Variants in CEP83 observed in about 807,000 individuals in gnomAD.
CEP83 encodes centrosomal protein 83, also known as centrosomal protein of 83 kDa.
Under a neutral mutation model 101.9 loss-of-function variants are expected in CEP83, and 70 were observed. The observed-to-expected ratio is 0.69, with a 90% CI of 0.57 to 0.84. The LOEUF (loss-of-function observed/expected upper bound fraction) is 0.84. Ranked by LOEUF, CEP83 falls within the 40% of genes least tolerant of loss-of-function variation. The pLI is 0.00. For synonymous variants in CEP83, 264 were observed against 267.9 expected, an observed-to-expected ratio of 0.99 and a Z score of 0.14; for missense variants, 715 against 787.2, an observed-to-expected ratio of 0.91 and a Z score of 1.10.
At chr12:94,439,115 T>A (rs1342864285) in intron 1 of CEP83, among the ~76,000 whole-genome samples, 1 of 151,870 alleles carries the variant, frequency 6.6e-6, no homozygotes, top group African/African-American at 2.4e-5. Context: ...ACTCACAGAA[T>A]TAGAGAAACA....
At chr12:94,376,055 T>G (rs1448514698) in intron 7 of CEP83, 38 bp from the exon 8 acceptor site, 1 of 1,290,982 alleles carries the variant, frequency 7.7e-7, no homozygotes. Flanking sequence ...TTCATCATTT[T>G]TCAAGTATTT....
In CEP83 at chr12:94,412,332, C is replaced by CT; in HGVS notation, c.158dup (p.Ala54GlyfsTer2). 6.2e-7 allele frequency: 1 copy of CT among 1,607,532 alleles called. No homozygotes were observed. The highest frequency in any genetic ancestry group is 8.5e-7 in the Non-Finnish European group (1 of 1,177,720). The stretch of plus-strand genomic sequence containing the variant: ...AAGTAATTTACCTTGTGTGTTCAGC[C>CT]TTCAGTGTCTGATAATTAGCTTTAT... On this transcript the variant is annotated frameshift_variant, in exon 3 of 17. Coordinates refer to ENST00000397809, the MANE Select transcript of CEP83 (RefSeq NM_016122.3). LOFTEE classifies it high-confidence loss of function.
chr12:94,363,054 G>T (rs1406331788), intron 11 of CEP83, among the ~76,000 whole-genome samples: 1 of 152,202 alleles, frequency 6.6e-6, no homozygotes, highest in Non-Finnish European at 1.5e-5. Context: ...GAAGACAGAG[G>T]TTGGTTAACA....
chr12:94,421,734 G>A (rs11107533), intron 2 of CEP83, among the ~76,000 whole-genome samples: 36,446 of 151,970 alleles, frequency 0.24, 4,848 homozygotes, highest in South Asian at 0.33. Context: ...AGATGATATC[G>A]CCTATTATAC....
the CEP83 span, among the ~76,000 whole-genome samples, chr12:94,294,080 A>G: frequency 4.3e-3 from 654 of 152,310 alleles, 1 homozygote; most frequent in Non-Finnish European, 7.6e-3. Context: ...CATAGCAAGT[A>G]ACAATTTTTT....
intron 2 of CEP83, among the ~76,000 whole-genome samples, chr12:94,432,923 T>C (rs533944314): frequency 3.3e-5 from 5 of 152,344 alleles, no homozygotes; most frequent in African/African-American, 1.2e-4. Context: ...ATAACATATT[T>C]ACCAGTAGTA....
chr12:94,395,566 G>A (rs1484845643), intron 6 of CEP83, among the ~76,000 whole-genome samples: 1 of 152,142 alleles, frequency 6.6e-6, no homozygotes, highest in Admixed American at 6.5e-5. Context: ...CGGGACGCCT[G>A]TAATCCCAAC....
intron 14 of CEP83, among the ~76,000 whole-genome samples, chr12:94,331,357 CTTTTTTTTTT>C (rs1161292599): frequency 8.4e-4 from 56 of 66,800 alleles, no homozygotes; most frequent in African/African-American, 3.0e-3. Flanking sequence ...ACCTTTTTTC[CTTTTTTTTTT>C]TTTTTTTTTT....
At chr12:94,407,304 T>C (rs969038572) in intron 4 of CEP83, among the ~76,000 whole-genome samples, 1 of 151,848 alleles carries the variant, frequency 6.6e-6, no homozygotes, top group South Asian at 2.1e-4. Context: ...GCACTACAGA[T>C]ATAAAAAAAA....
the CEP83 span, among the ~76,000 whole-genome samples, chr12:94,283,074 A>T: frequency 6.6e-6 from 1 of 152,164 alleles, no homozygotes; most frequent in African/African-American, 2.4e-5. Context: ...ATCCACTCTG[A>T]TAAGAGCTGG....
intron 4 of CEP83, among the ~76,000 whole-genome samples, chr12:94,409,424 T>C (rs901456744): frequency 6.6e-6 from 1 of 152,062 alleles, no homozygotes; most frequent in Non-Finnish European, 1.5e-5. Context: ...AGGGAGGCTA[T>C]AGGGTAGATG....
At chr12:94,347,368 T>C (rs1168114802) in intron 11 of CEP83, among the ~76,000 whole-genome samples, 1 of 152,060 alleles carries the variant, frequency 6.6e-6, no homozygotes, top group Admixed American at 6.6e-5. Flanking sequence ...TTACAACATA[T>C]CCAATTAGAA....
chr12:94,390,297 G>A (rs1255964511), intron 6 of CEP83, among the ~76,000 whole-genome samples: 1 of 152,162 alleles, frequency 6.6e-6, no homozygotes, highest in Non-Finnish European at 1.5e-5. Flanking sequence ...AACATTTGCT[G>A]TTCTGTGACG....
intron 1 of CEP83, among the ~76,000 whole-genome samples, chr12:94,443,122 C>A (rs1375603536): frequency 6.7e-6 from 1 of 148,718 alleles, no homozygotes; most frequent in Non-Finnish European, 1.5e-5. Flanking sequence ...CTCACAGCCC[C>A]GTATTAGCCA....
In CEP83 at chr12:94,307,712, T is replaced by C. The variant is rs532701907; in HGVS notation, c.*1101A>G. 8.6e-5 allele frequency: 13 copies of C among 151,750 alleles called. No homozygotes were observed. Among genetic ancestry groups the C allele is most frequent in the African/African-American group, 2.9e-4 (12 of 41,444 alleles). The allele number at this position is 151,750 out of a possible 1,614,324, so 9.4% of individuals were successfully genotyped here. A position where few individuals can be genotyped will look rare whatever the true frequency, so the allele number is the denominator to read the frequency against. ...TTTTTTTTCAATTTTCTAGTTATAA[T>C]AGTTTTTTTATTCTAAGTGGCTCCG... On this transcript the variant is annotated 3_prime_UTR_variant, in exon 17 of 17. Coordinates refer to ENST00000397809, the MANE Select transcript of CEP83 (RefSeq NM_016122.3).
At chr12:94,277,467 C>T in the CEP83 span, among the ~76,000 whole-genome samples, 4 of 152,200 alleles carry the variant, frequency 2.6e-5, no homozygotes, top group South Asian at 4.1e-4. Flanking sequence ...GTCACGGGCT[C>T]ACATGCCAGA....
chr12:94,397,538 C>G (rs895034539), intron 6 of CEP83, among the ~76,000 whole-genome samples: 1 of 152,056 alleles, frequency 6.6e-6, no homozygotes, highest in Non-Finnish European at 1.5e-5. Flanking sequence ...ATGACTATAC[C>G]AACCCCTTAA....
intron 4 of CEP83, among the ~76,000 whole-genome samples, chr12:94,404,056 A>AT (rs1388236370): frequency 1.3e-5 from 2 of 152,202 alleles, no homozygotes; most frequent in African/African-American, 4.8e-5. Context: ...CCTACATACC[A>AT]TCCTGTTCTA....
chr12:94,405,527 T>C (rs1389679189), intron 4 of CEP83, among the ~76,000 whole-genome samples: 1 of 152,156 alleles, frequency 6.6e-6, no homozygotes, highest in Non-Finnish European at 1.5e-5. Flanking sequence ...CATTACATGT[T>C]TGAGATTTCC....
Sources: allele counts gnomAD v4.1 joint callset (sites outside exome capture counted in the v4.1 genomes callset), GRCh38; gene constraint gnomAD v4.1.1; transcripts MANE v1.5; gene names NCBI Gene and HGNC (gene_info 2026-07-23, HGNC 2026-07-21).